The following EPS8 variants were observed in gnomAD, a reference collection of about 807,000 sequenced individuals.
EPS8 encodes epidermal growth factor receptor kinase substrate 8.
Under a neutral mutation model 103.8 loss-of-function variants are expected in EPS8, and 42 were observed. The ratio of observed to expected loss-of-function variants is 0.40; its 90% CI spans 0.32 to 0.52. EPS8 has a LOEUF of 0.52. Ranked by LOEUF, EPS8 falls within the 20% of genes least tolerant of loss-of-function variation. The pLI is 0.40. For synonymous variants in EPS8, 344 were observed against 344.6 expected, an observed-to-expected ratio of 1.00 and a Z score of 0.02; for missense variants, 969 against 1,005.1, an observed-to-expected ratio of 0.96 and a Z score of 0.49.
rs776800393 is a variant in EPS8 at position 15,706,735 on chromosome 12, G to GT, written c.-21-23764dup. ...GAATTTTCTGTTCTTTATATTTTAT[G>GT]TTTTTTTTTACAACTTATCCAAAGA... On this transcript the variant is annotated intron_variant, in intron 1 of 20. Transcript: ENST00000281172. This position sits in a 1 kb window ranked among gnomAD's most constrained non-coding sequence, Gnocchi z 5.2. Among the ~76,000 whole-genome samples, 35 of 150,712 alleles carry GT rather than the reference G, an allele frequency of 2.3e-4. No individual in the cohort carries two copies. Among genetic ancestry groups the GT allele is most frequent in the South Asian group, 8.5e-4 (4 of 4,730 alleles).
intron 3 of EPS8, among the ~76,000 whole-genome samples, chr12:15,679,716 T>C (rs376626879): frequency 6.6e-6 from 1 of 152,212 alleles, no homozygotes; most frequent in Admixed American, 6.5e-5. Context: ...CCCTTTATTA[T>C]AACAATGTGT....
intron 1 of EPS8, among the ~76,000 whole-genome samples, chr12:15,788,403 T>C (rs1234358038): frequency 6.6e-6 from 1 of 151,884 alleles, no homozygotes; most frequent in South Asian, 2.1e-4. Flanking sequence ...ACGGGCCCTA[T>C]GGGAGGAGGA....
At chr12:15,682,587 C>T (rs940590035) in intron 2 of EPS8, among the ~76,000 whole-genome samples, 2 of 152,126 alleles carry the variant, frequency 1.3e-5, no homozygotes, top group African/African-American at 4.8e-5. Flanking sequence ...AAATTCAAAG[C>T]TCTGAAGTAG....
intron 1 of EPS8, among the ~76,000 whole-genome samples, chr12:15,708,336 T>G (rs1182477120): frequency 6.6e-6 from 1 of 152,234 alleles, no homozygotes; most frequent in Admixed American, 6.5e-5. Flanking sequence ...TGTTAAGCAC[T>G]TATCATAGTG....
chr12:15,703,847 G>GTTTTTTTTTTTT (rs58735135), intron 1 of EPS8, among the ~76,000 whole-genome samples: 2 of 61,240 alleles, frequency 3.3e-5, no homozygotes, highest in South Asian at 6.7e-4. Flanking sequence ...CTATGTATTT[G>GTTTTTTTTTTTT]TTTTTTTTTT....
In EPS8 at chr12:15,697,103, A is replaced by C. The variant is rs539684418; in HGVS notation, c.-21-14131T>G. ...CTCTAACCAACTGGGAAAATGGCCT[A>C]TAGACTGAAGAAGGGAAAACTTGAG... On this transcript the variant is annotated intron_variant, in intron 1 of 20. Coordinates refer to ENST00000281172, the MANE Select transcript of EPS8 (RefSeq NM_004447.6). The surrounding 1 kb of genome is among the most constrained non-coding windows in gnomAD (Gnocchi z 5.6). Among the ~76,000 whole-genome samples, 2 of 152,314 alleles carry C rather than the reference A, an allele frequency of 1.3e-5. No homozygotes were observed. The highest frequency in any genetic ancestry group is 3.9e-4 in the East Asian group (2 of 5,192).
intron 1 of EPS8, among the ~76,000 whole-genome samples, chr12:15,746,480 T>C (rs1946876518): frequency 6.6e-6 from 1 of 152,102 alleles, no homozygotes; most frequent in East Asian, 1.9e-4. Flanking sequence ...AAAATGAGCT[T>C]AACTGGTCTT....
chr12:15,641,052 C>G (rs1263637663), intron 16 of EPS8, among the ~76,000 whole-genome samples: 1 of 152,046 alleles, frequency 6.6e-6, no homozygotes, highest in Non-Finnish European at 1.5e-5. Flanking sequence ...GGTGAATCTA[C>G]CCAAGGTCCA....
chr12:15,759,296 CAAAT>C lies in EPS8; in HGVS notation c.-22+29861_-22+29864del, dbSNP rs1947018329. ...ATTGGGAAGCTGAATAGTTTCTTGC[CAAAT>C]AAATGTATATTATGCTTTGAAGGCA... is the stretch of plus-strand genomic sequence containing the variant. On this transcript the variant is annotated intron_variant, in intron 1 of 20. Transcript: ENST00000281172. The surrounding 1 kb of genome is among the most constrained non-coding windows in gnomAD (Gnocchi z 4.9). Among the ~76,000 whole-genome samples, 2 of 151,994 alleles carry C rather than the reference CAAAT, an allele frequency of 1.3e-5. No homozygotes were observed. The highest frequency in any genetic ancestry group is 1.3e-4 in the Admixed American group (2 of 15,252).
intron 8 of EPS8, among the ~76,000 whole-genome samples, chr12:15,662,999 C>CA (rs5796644): frequency 2.3e-4 from 30 of 128,686 alleles, no homozygotes; most frequent in East Asian, 4.4e-4. Context: ...CACTTGCCAA[C>CA]AAAAAAAAAA....
chr12:15,755,997 A>C (rs181828066), intron 1 of EPS8, among the ~76,000 whole-genome samples: 42 of 152,296 alleles, frequency 2.8e-4, no homozygotes, highest in African/African-American at 9.9e-4. Context: ...TCTTCCTATA[A>C]TTCTGAAGCA....
chr12:15,629,906 G>A (rs1945014606), intron 18 of EPS8, among the ~76,000 whole-genome samples: 1 of 152,058 alleles, frequency 6.6e-6, no homozygotes, highest in African/African-American at 2.4e-5. Context: ...GATGAAAATG[G>A]GAGTGAAAGA....
intron 1 of EPS8, among the ~76,000 whole-genome samples, chr12:15,732,390 C>A (rs1168784969): frequency 6.6e-6 from 1 of 152,192 alleles, no homozygotes; most frequent in Non-Finnish European, 1.5e-5. Flanking sequence ...ACAATACTTA[C>A]ATTATTCTGT....
chr12:15,742,566 A>G (rs1353446078), intron 1 of EPS8, among the ~76,000 whole-genome samples: 1 of 152,210 alleles, frequency 6.6e-6, no homozygotes, highest in Non-Finnish European at 1.5e-5. Context: ...ATCCACCACA[A>G]TCAAGTTGGC....
Position 15,760,198 on chromosome 12 carries a change from T to C in EPS8, c.-22+28963A>G, listed in dbSNP as rs1161263246. Among the ~76,000 whole-genome samples, 1 of 151,808 alleles carries C rather than the reference T, an allele frequency of 6.6e-6. No individual in the cohort carries two copies. The highest frequency in any genetic ancestry group is 1.5e-5 in the Non-Finnish European group (1 of 67,908). On this transcript the variant is annotated intron_variant, in intron 1 of 20. Coordinates refer to ENST00000281172, the MANE Select transcript of EPS8 (RefSeq NM_004447.6). This position sits in a 1 kb window ranked among gnomAD's most constrained non-coding sequence, Gnocchi z 4.5. ...AACTATATGCCAATAAACTGGAAAA[T>C]CTAGAAGAAATGGACAAATTCCTAG...
rs1163596413 is a variant in EPS8 at position 15,654,281 on chromosome 12, T to C, written c.1114A>G (p.Thr372Ala). ...GAACTGGCTAGTTCAGGACCTCCTG[T>C]TGCCTGCACCACCTAAGATAATAAA... is the stretch of plus-strand genomic sequence containing the variant. ...FTPLNMVVQA[T>A]GGPELASSVL... Residue 372 changes from threonine to alanine, a missense_variant, in exon 13 of 21, where the codon ACA (threonine) becomes GCA (alanine). Physicochemically the swap from Thr to Ala is moderately conservative, Grantham distance 58 (BLOSUM62 0). Transcript: ENST00000281172. 1 of 1,613,404 alleles carries C rather than the reference T, an allele frequency of 6.2e-7. No individual in the cohort carries two copies.
Position 15,776,042 on chromosome 12 carries a change from C to T in EPS8, c.-22+13119G>A, listed in dbSNP as rs1490897151. Among the ~76,000 whole-genome samples, 1 of 152,156 alleles carries T rather than the reference C, an allele frequency of 6.6e-6. No homozygotes were observed. The highest frequency in any genetic ancestry group is 1.5e-5 in the Non-Finnish European group (1 of 68,022). On this transcript the variant is annotated intron_variant, in intron 1 of 20. Transcript: ENST00000281172. The surrounding 1 kb of genome is among the most constrained non-coding windows in gnomAD (Gnocchi z 4.2). ...ACACCACTACAACAAACAAAACTCA[C>T]CTTCACATACAAAGGGCAGTTCCAT... is the stretch of plus-strand genomic sequence containing the variant.
chr12:15,770,302 A>AAG (rs1555130545), intron 1 of EPS8, among the ~76,000 whole-genome samples: 15 of 151,508 alleles, frequency 9.9e-5, no homozygotes, highest in African/African-American at 3.6e-4. Flanking sequence ...AAAAAAAAAA[A>AAG]AAGAAGAAGA....
intron 12 of EPS8, chr12:15,657,820 ATAAATCTT>A: frequency 2.7e-6 from 1 of 372,606 alleles, no homozygotes; most frequent in South Asian, 2.8e-5. Flanking sequence ...CTGGTATCCA[ATAAATCTT>A]TATTTCTTTT....
Sources: allele counts gnomAD v4.1 joint callset (sites outside exome capture counted in the v4.1 genomes callset), GRCh38; gene constraint gnomAD v4.1.1; non-coding constraint Gnocchi (gnomAD v3.1); transcripts MANE v1.5; gene names NCBI Gene and HGNC (gene_info 2026-07-23, HGNC 2026-07-21).